Variants in NBEA observed in about 807,000 individuals in gnomAD.
NBEA encodes neurobeachin, also known as lysosomal-trafficking regulator 2.
Under a neutral mutation model 343.4 loss-of-function variants are expected in NBEA, and 44 were observed. The ratio of observed to expected loss-of-function variants is 0.13; its 90% CI spans 0.10 to 0.16. The LOEUF is 0.16. Among genes scored for constraint, NBEA ranks in the 10% least tolerant of loss-of-function variants. NBEA has a pLI of 1.00. For synonymous variants in NBEA, 1,175 were observed against 1,238.7 expected, an observed-to-expected ratio of 0.95 and a Z score of 1.08; for missense variants, 2,555 against 3,631.3, an observed-to-expected ratio of 0.70 and a Z score of 7.62.
chr13:35,133,341 C>T (rs1214070861), intron 17 of NBEA, among the ~76,000 whole-genome samples: 1 of 152,044 alleles, frequency 6.6e-6, no homozygotes, highest in Non-Finnish European at 1.5e-5. Flanking sequence ...AAACTGTTGA[C>T]AGTATCAAGT....
intron 34 of NBEA, among the ~76,000 whole-genome samples, chr13:35,286,351 C>T (rs2035425713): frequency 6.6e-6 from 1 of 152,024 alleles, no homozygotes. Flanking sequence ...TTAATATTTA[C>T]TGATAATATA....
chr13:35,512,831 T>C (rs913451847), intron 41 of NBEA, among the ~76,000 whole-genome samples: 4 of 152,200 alleles, frequency 2.6e-5, no homozygotes, highest in African/African-American at 9.6e-5. Context: ...CTTGCGGTCC[T>C]CATAGGTCGA....
chr13:34,948,085 A>G (rs1373791544), intron 1 of NBEA, among the ~76,000 whole-genome samples: 2 of 152,212 alleles, frequency 1.3e-5, no homozygotes, highest in Non-Finnish European at 2.9e-5. Context: ...TGTAGAAAAT[A>G]TTGTTAGCAT....
At chr13:35,050,225 C>G (rs2063018156) in intron 5 of NBEA, 44 bp from the exon 6 acceptor site, 1 of 1,571,670 alleles carries the variant, frequency 6.4e-7, no homozygotes, top group African/African-American at 1.4e-5. Flanking sequence ...GTGTTTAGTT[C>G]TTTTTATCAG....
At position 35,424,759 on chromosome 13, in the gene NBEA, G is replaced by A. The variant is rs182867658; in HGVS notation, c.6180-7510G>A. Among the ~76,000 whole-genome samples the A allele has an allele frequency of 1.4e-3, 211 of 152,266 alleles. 1 individual carries two copies. Among genetic ancestry groups the A allele is most frequent in the African/African-American group, 4.7e-3 (195 of 41,570 alleles). The stretch of plus-strand genomic sequence containing the variant: ...CTCCTTGTACCTCTGGTAGAATTCG[G>A]CTGTGAATCCATCTGGTCCTGGACT... On this transcript the variant is annotated intron_variant, in intron 38 of 58. Transcript: ENST00000379939.
chr13:35,378,222 A>G (rs1298733978), intron 38 of NBEA, among the ~76,000 whole-genome samples: 3 of 152,234 alleles, frequency 2.0e-5, no homozygotes, highest in African/African-American at 4.8e-5. Flanking sequence ...TTGCTTCTAG[A>G]AATCTCTTTG....
chr13:35,475,269 G>C, intron 41 of NBEA: 3 of 1,614,058 alleles, frequency 1.9e-6, no homozygotes, highest in Non-Finnish European at 2.5e-6. Flanking sequence ...ACTCGTCCCA[G>C]TCCGACTCTC....
At chr13:35,009,157 T>C (rs1484845585) in intron 1 of NBEA, among the ~76,000 whole-genome samples, 1 of 152,228 alleles carries the variant, frequency 6.6e-6, no homozygotes, top group African/African-American at 2.4e-5. Flanking sequence ...AATTCATTTA[T>C]TGAAACATTA....
rs1205181950 is a variant in NBEA, at chr13:35,628,242, C to T, written c.7611C>T (p.Leu2537=). 3.8e-6 allele frequency: 6 copies of T among 1,598,238 alleles called. No individual in the cohort carries two copies. Among genetic ancestry groups the T allele is most frequent in the Non-Finnish European group, 5.1e-6 (6 of 1,173,178 alleles). Residue 2537 remains leucine (L), a synonymous_variant, in exon 49 of 59, where the codon CTC becomes CTT. Coordinates refer to ENST00000379939, the MANE Select transcript of NBEA (RefSeq NM_001385012.1). ...VNLDSITDPV[L]REIPEAYFIR... ...TGGATAGTATCACTGATCCTGTGCT[C>T]AGGGAGGTAGGTGTTAAATCCCATA...
In NBEA at chr13:35,479,513, T is replaced by C. The variant is rs371949882; in HGVS notation, c.6585+6977T>C. 1.8e-4 allele frequency among the ~76,000 whole-genome samples: 28 copies of C among 152,288 alleles called. No individual in the cohort carries two copies. The East Asian group carries it at 4.8e-3, about 26-fold the overall frequency. On this transcript the variant is annotated intron_variant, in intron 41 of 58. Transcript: ENST00000379939. The stretch of plus-strand genomic sequence containing the variant: ...TATGGAAATGACCTATAGAGAGGGA[T>C]TGCAAATAACAGTACATTTTTGTGC...
At chr13:35,601,497 C>T (rs776730545) in intron 47 of NBEA, among the ~76,000 whole-genome samples, 1 of 152,096 alleles carries the variant, frequency 6.6e-6, no homozygotes, top group Non-Finnish European at 1.5e-5. Flanking sequence ...GATGTTGTGG[C>T]TCATGCCTGT....
At chr13:35,607,767 AAT>A (rs138328693) in intron 48 of NBEA, among the ~76,000 whole-genome samples, 4,810 of 152,194 alleles carry the variant, frequency 0.032, 279 homozygotes, top group African/African-American at 0.11. Context: ...GTAAAAAAAA[AAT>A]GAATATTAGT....
chr13:35,258,100 G>A (rs1240316556), intron 34 of NBEA, among the ~76,000 whole-genome samples: 1 of 150,926 alleles, frequency 6.6e-6, no homozygotes, highest in Non-Finnish European at 1.5e-5. Context: ...TGAATTGGAA[G>A]TACTGTAAAA....
intron 36 of NBEA, among the ~76,000 whole-genome samples, chr13:35,325,164 A>T (rs1477629977): frequency 6.6e-6 from 1 of 152,044 alleles, no homozygotes; most frequent in Non-Finnish European, 1.5e-5. Context: ...TTTTAAAAGA[A>T]TTACTCATAA....
chr13:35,288,526 C>G (rs2035587748), intron 34 of NBEA, among the ~76,000 whole-genome samples: 1 of 151,814 alleles, frequency 6.6e-6, no homozygotes, highest in African/African-American at 2.4e-5. Context: ...AATTTTTTGC[C>G]ATTCCTTTTG....
chr13:35,387,509 A>T (rs2042298688), intron 38 of NBEA, among the ~76,000 whole-genome samples: 1 of 152,150 alleles, frequency 6.6e-6, no homozygotes, highest in Admixed American at 6.6e-5. Flanking sequence ...CGAAAACAAA[A>T]AACTGACAAC....
At chr13:35,087,324 T>C (rs1202536206) in intron 10 of NBEA, among the ~76,000 whole-genome samples, 1 of 151,840 alleles carries the variant, frequency 6.6e-6, no homozygotes, top group Admixed American at 6.6e-5. Flanking sequence ...AAAATATTTA[T>C]ATTAAAATGC....
At chr13:35,393,505 A>G (rs1287486559) in intron 38 of NBEA, among the ~76,000 whole-genome samples, 2 of 152,150 alleles carry the variant, frequency 1.3e-5, no homozygotes, top group Admixed American at 6.6e-5. Context: ...AATCCAAAAC[A>G]TCATTTGAAA....
At chr13:35,247,195 AC>A (rs2031337297) in intron 34 of NBEA, among the ~76,000 whole-genome samples, 1 of 152,028 alleles carries the variant, frequency 6.6e-6, no homozygotes, top group Non-Finnish European at 1.5e-5. Flanking sequence ...CTGAGAACTT[AC>A]CCCAGGCTAC....
Sources: allele counts gnomAD v4.1 joint callset (sites outside exome capture counted in the v4.1 genomes callset), GRCh38; gene constraint gnomAD v4.1.1; transcripts MANE v1.5; gene names NCBI Gene and HGNC (gene_info 2026-07-23, HGNC 2026-07-21).